Variants in ZNF438 observed in about 807,000 individuals in gnomAD.
The protein encoded by ZNF438 is zinc finger protein 438.
ZNF438 carries 25 observed loss-of-function variants against 38.0 expected under a neutral mutation model. That is an observed-to-expected ratio of 0.66 (90% CI 0.48 to 0.92). The LOEUF (loss-of-function observed/expected upper bound fraction) is 0.92. ZNF438 is among the 40% of genes least tolerant of loss of function. The pLI is 0.00. For synonymous variants in ZNF438, 372 were observed against 364.1 expected (o/e 1.02, Z -0.25); for missense variants, 1,007 against 999.6 (o/e 1.01, Z -0.10).
At chr10:31,012,397 A>G (rs2055795278) in intron 1 of ZNF438, among the ~76,000 whole-genome samples, 1 of 152,140 alleles carries the variant, frequency 6.6e-6, no homozygotes, top group Non-Finnish European at 1.5e-5. Context: ...TGCTGGGATT[A>G]CAGGCATGAG....
intron 3 of ZNF438, among the ~76,000 whole-genome samples, chr10:30,907,633 A>G (rs1359754808): frequency 6.6e-6 from 1 of 152,140 alleles, no homozygotes; most frequent in East Asian, 1.9e-4. Context: ...CATCTAAGTC[A>G]CCAAATATTT....
chr10:30,948,779 G>T (rs1372317862), intron 1 of ZNF438, among the ~76,000 whole-genome samples: 2 of 151,390 alleles, frequency 1.3e-5, no homozygotes, highest in Non-Finnish European at 3.0e-5. Flanking sequence ...TCTGATTGGT[G>T]TACCTGAAAG....
At chr10:30,872,191 A>T (rs1216670671) in intron 4 of ZNF438, among the ~76,000 whole-genome samples, 1 of 151,668 alleles carries the variant, frequency 6.6e-6, no homozygotes, top group Non-Finnish European at 1.5e-5. Flanking sequence ...GTACAAGTCA[A>T]GCAAGTGGAA....
At chr10:30,918,710 G>A (rs1359889543) in intron 2 of ZNF438, among the ~76,000 whole-genome samples, 2 of 152,132 alleles carry the variant, frequency 1.3e-5, no homozygotes, top group African/African-American at 4.8e-5. Flanking sequence ...CTACAAGTTG[G>A]CAGTAAAATA....
intron 1 of ZNF438, among the ~76,000 whole-genome samples, chr10:30,944,348 T>C (rs1434325766): frequency 6.6e-6 from 1 of 152,212 alleles, no homozygotes; most frequent in Non-Finnish European, 1.5e-5. Flanking sequence ...AGTTTCTCTA[T>C]AAACAAAACT....
intron 1 of ZNF438, among the ~76,000 whole-genome samples, chr10:31,004,023 C>G (rs2054895872): frequency 6.6e-6 from 1 of 152,210 alleles, no homozygotes; most frequent in African/African-American, 2.4e-5. Flanking sequence ...CCCAGATCCT[C>G]AGAAGAGAAC....
chr10:30,943,332 A>G (rs536358953), intron 1 of ZNF438, among the ~76,000 whole-genome samples: 8 of 152,148 alleles, frequency 5.3e-5, no homozygotes, highest in Non-Finnish European at 7.3e-5. Context: ...GGGAATTCAG[A>G]CCCAATGGCA....
intron 1 of ZNF438, among the ~76,000 whole-genome samples, chr10:30,951,626 T>G (rs2048209549): frequency 6.6e-6 from 1 of 152,056 alleles, no homozygotes; most frequent in Non-Finnish European, 1.5e-5. Flanking sequence ...GAGAGCCAAA[T>G]CATGAGTGAA....
chr10:31,007,559 C>T (rs1350527838), intron 1 of ZNF438, among the ~76,000 whole-genome samples: 3 of 152,092 alleles, frequency 2.0e-5, no homozygotes, highest in East Asian at 1.9e-4. Context: ...GGATTACAGG[C>T]GTTAGCCACC....
intron 3 of ZNF438, among the ~76,000 whole-genome samples, chr10:30,886,451 C>T (rs573919536): frequency 2.0e-5 from 3 of 152,068 alleles, no homozygotes; most frequent in Non-Finnish European, 4.4e-5. Context: ...TATGATGGGG[C>T]TATATACTGA....
At chr10:30,844,758 G>A (rs1588694537) in exon 6 of ZNF438, 2 of 593,034 alleles carry the variant, frequency 3.4e-6, no homozygotes, top group Non-Finnish European at 5.8e-6. Context: ...TTTAAAATAA[G>A]ACTGCATATA....
intron 1 of ZNF438, among the ~76,000 whole-genome samples, chr10:31,026,668 T>C (rs2056964768): frequency 6.6e-6 from 1 of 152,132 alleles, no homozygotes; most frequent in Non-Finnish European, 1.5e-5. Context: ...TCAAACACTG[T>C]GGAAGACAGT....
chr10:30,915,200 A>G (rs1381695430), intron 2 of ZNF438, among the ~76,000 whole-genome samples: 2 of 152,064 alleles, frequency 1.3e-5, no homozygotes, highest in African/African-American at 4.8e-5. Context: ...ATGAAGTTTA[A>G]GATAGAAAAT....
At chr10:30,935,757 C>T (rs1270632373) in intron 2 of ZNF438, among the ~76,000 whole-genome samples, 2 of 152,102 alleles carry the variant, frequency 1.3e-5, no homozygotes, top group Non-Finnish European at 1.5e-5. Flanking sequence ...GAAGCAGGCA[C>T]GTCTTACATG....
intron 1 of ZNF438, among the ~76,000 whole-genome samples, chr10:30,995,984 G>A (rs74134344): frequency 0.056 from 8,453 of 152,160 alleles, 736 homozygotes; most frequent in African/African-American, 0.19. Flanking sequence ...GGAAGGAAAT[G>A]GAGCTAACAG....
intron 1 of ZNF438, among the ~76,000 whole-genome samples, chr10:30,985,527 G>A (rs1475283580): frequency 6.6e-6 from 1 of 152,200 alleles, no homozygotes; most frequent in Non-Finnish European, 1.5e-5. Context: ...AGAAAAATCA[G>A]TTAATTCCAA....
intron 3 of ZNF438, among the ~76,000 whole-genome samples, chr10:30,902,436 G>A (rs931264387): frequency 1.1e-4 from 16 of 152,300 alleles, no homozygotes; most frequent in African/African-American, 3.6e-4. Flanking sequence ...GTGCCAATTG[G>A]TGCATTCACA....
chr10:30,901,871 G>A (rs1264212928), intron 3 of ZNF438, among the ~76,000 whole-genome samples: 1 of 152,152 alleles, frequency 6.6e-6, no homozygotes, highest in African/African-American at 2.4e-5. Context: ...TCTTCTTTCT[G>A]GTGGGTTCAT....
intron 2 of ZNF438, among the ~76,000 whole-genome samples, chr10:30,935,662 T>C (rs1485928095): frequency 1.3e-5 from 2 of 152,132 alleles, no homozygotes; most frequent in Non-Finnish European, 2.9e-5. Context: ...CAGAGACTGG[T>C]TAATTTATAA....
Sources: allele counts gnomAD v4.1 joint callset (sites outside exome capture counted in the v4.1 genomes callset), GRCh38; gene constraint gnomAD v4.1.1; transcripts MANE v1.5; gene names NCBI Gene and HGNC (gene_info 2026-07-23, HGNC 2026-07-21).